ANKS1B: variants seen among roughly 807,000 people sequenced by gnomAD.
The protein encoded by ANKS1B is ankyrin repeat and sterile alpha motif domain-containing protein 1B.
ANKS1B carries 36 observed loss-of-function variants against 148.3 expected under a neutral mutation model. The observed-to-expected ratio is 0.24, with a 90% CI of 0.19 to 0.32. ANKS1B has a LOEUF of 0.32. ANKS1B is among the 10% of genes least tolerant of loss of function. The pLI, the probability that ANKS1B is intolerant of heterozygous loss-of-function variation, is 1.00. For synonymous variants in ANKS1B, 542 were observed against 560.8 expected, an observed-to-expected ratio of 0.97 and a Z score of 0.47; for missense variants, 1,157 against 1,542.6, an observed-to-expected ratio of 0.75 and a Z score of 4.19.
intron 25 of ANKS1B, among the ~76,000 whole-genome samples, chr12:98,759,546 T>C (rs559945986): frequency 6.6e-6 from 1 of 152,326 alleles, no homozygotes; most frequent in East Asian, 1.9e-4. Flanking sequence ...ATCTGTCCCC[T>C]AGAAAAAGCT....
chr12:99,624,318 A>C (rs887957152), intron 9 of ANKS1B, among the ~76,000 whole-genome samples: 6 of 152,052 alleles, frequency 3.9e-5, no homozygotes, highest in African/African-American at 1.2e-4. Flanking sequence ...AAAAGCTGGG[A>C]AACTACTTTT....
intron 17 of ANKS1B, among the ~76,000 whole-genome samples, chr12:98,856,852 T>C (rs1197195540): frequency 6.6e-6 from 1 of 152,154 alleles, no homozygotes; most frequent in Non-Finnish European, 1.5e-5. Flanking sequence ...TCAAAAGAAC[T>C]AGAGAACACA....
intron 1 of ANKS1B, among the ~76,000 whole-genome samples, chr12:99,898,671 C>T (rs1004015743): frequency 1.3e-5 from 2 of 152,058 alleles, no homozygotes; most frequent in African/African-American, 2.4e-5. Context: ...TATGGAACAA[C>T]GATGAAGAAA....
At chr12:99,384,855 G>A (rs1005510708) in intron 12 of ANKS1B, among the ~76,000 whole-genome samples, 1 of 152,006 alleles carries the variant, frequency 6.6e-6, no homozygotes, top group Non-Finnish European at 1.5e-5. Flanking sequence ...TTTGTGAGAG[G>A]GGAGCATGTC....
chr12:99,566,972 C>T (rs1395514583), intron 9 of ANKS1B, among the ~76,000 whole-genome samples: 1 of 152,160 alleles, frequency 6.6e-6, no homozygotes, highest in Non-Finnish European at 1.5e-5. Flanking sequence ...ATATGCATAA[C>T]ATCTTGGTGG....
At chr12:99,834,090 T>A (rs1473814769) in intron 1 of ANKS1B, among the ~76,000 whole-genome samples, 1 of 152,092 alleles carries the variant, frequency 6.6e-6, no homozygotes, top group Admixed American at 6.6e-5. Context: ...AAAAATTTAA[T>A]TTAAAAAAGA....
intron 12 of ANKS1B, among the ~76,000 whole-genome samples, chr12:99,380,827 T>G (rs910581636): frequency 6.7e-6 from 1 of 150,064 alleles, no homozygotes; most frequent in Non-Finnish European, 1.5e-5. Flanking sequence ...AACAAACATT[T>G]GTTAGGCAAC....
chr12:98,888,012 C>A (rs192681933), intron 17 of ANKS1B, among the ~76,000 whole-genome samples: 238 of 152,280 alleles, frequency 1.6e-3, no homozygotes, highest in African/African-American at 5.5e-3. Flanking sequence ...TCCCTTTGCA[C>A]ATATTTATAG....
At chr12:99,029,553 T>A (rs2099950745) in intron 17 of ANKS1B, among the ~76,000 whole-genome samples, 2 of 152,200 alleles carry the variant, frequency 1.3e-5, no homozygotes, top group Non-Finnish European at 2.9e-5. Flanking sequence ...GAAGTACTTG[T>A]CAGGGTAAGC....
chr12:99,613,819 T>A (rs2153352214), intron 9 of ANKS1B, among the ~76,000 whole-genome samples: 1 of 151,990 alleles, frequency 6.6e-6, no homozygotes, highest in South Asian at 2.1e-4. Context: ...TTTACTTATG[T>A]AACAAACCTG....
At position 98,867,567 on chromosome 12, in the gene ANKS1B, T is replaced by A. The variant is rs187826430; in HGVS notation, c.2779-35431A>T. 3.7e-3 allele frequency among the ~76,000 whole-genome samples: 561 copies of A among 152,306 alleles called. 1 individual carries two copies. Among genetic ancestry groups the A allele is most frequent in the Non-Finnish European group, 6.5e-3 (439 of 68,030 alleles). ...TTAGAACAAATTATGTCTTTTAGAA[T>A]GTAAGTCAGTTTGTCGGGCGCAGTG... On this transcript the variant is annotated intron_variant, in intron 17 of 26. Transcript: ENST00000683438.
chr12:98,978,872 G>A (rs182920389), intron 17 of ANKS1B, among the ~76,000 whole-genome samples: 3 of 152,146 alleles, frequency 2.0e-5, no homozygotes, highest in African/African-American at 4.8e-5. Flanking sequence ...GGCCGGGCGC[G>A]GTGGCTCACA....
intron 9 of ANKS1B, among the ~76,000 whole-genome samples, chr12:99,587,203 C>T (rs2097651398): frequency 6.6e-6 from 1 of 152,172 alleles, no homozygotes; most frequent in African/African-American, 2.4e-5. Flanking sequence ...ATGAAGTATG[C>T]TTCCAACATA....
At chr12:99,648,573 C>T (rs752607338) in intron 9 of ANKS1B, 29 of 1,614,128 alleles carry the variant, frequency 1.8e-5, no homozygotes, top group South Asian at 1.3e-4. Context: ...TCCACAACAG[C>T]GTAAAAAAAC....
chr12:99,360,916 C>T (rs1417474204), intron 12 of ANKS1B, among the ~76,000 whole-genome samples: 2 of 151,896 alleles, frequency 1.3e-5, no homozygotes, highest in Non-Finnish European at 2.9e-5. Context: ...AACAATTGAA[C>T]TCATGCATAT....
intron 1 of ANKS1B, among the ~76,000 whole-genome samples, chr12:99,935,433 G>T (rs561026258): frequency 1.3e-5 from 2 of 151,714 alleles, no homozygotes; most frequent in Non-Finnish European, 2.9e-5. Context: ...GTGGTCAGGA[G>T]TCTGAATTAG....
chr12:99,284,190 C>T (rs2078826702), intron 12 of ANKS1B, among the ~76,000 whole-genome samples: 1 of 152,180 alleles, frequency 6.6e-6, no homozygotes, highest in African/African-American at 2.4e-5. Context: ...CAGGCTCAAG[C>T]AGATTCTTTT....
chr12:99,077,982 G>C (rs1187939252), intron 16 of ANKS1B, among the ~76,000 whole-genome samples: 1 of 152,128 alleles, frequency 6.6e-6, no homozygotes, highest in Non-Finnish European at 1.5e-5. Context: ...GCTTTGTTTT[G>C]TTAACAAAGT....
At chr12:98,958,931 CT>C (rs904488382) in intron 17 of ANKS1B, among the ~76,000 whole-genome samples, 1 of 152,090 alleles carries the variant, frequency 6.6e-6, no homozygotes, top group Non-Finnish European at 1.5e-5. Context: ...GATTATGAAG[CT>C]TTATTAGGTG....
Sources: gnomAD v4.1 joint callset for allele counts (sites outside exome capture counted in the v4.1 genomes callset) on GRCh38, gnomAD v4.1.1 for gene constraint, MANE v1.5 for transcripts, NCBI Gene and HGNC (gene_info 2026-07-23, HGNC 2026-07-21) for gene names.